RFX4: variants seen among roughly 807,000 people sequenced by gnomAD.
RFX4 encodes regulatory factor X4.
In RFX4, 10 loss-of-function variants were observed where a neutral mutation model predicts 95.0. The observed-to-expected ratio is 0.11, with a 90% confidence interval of 0.06 to 0.18. The LOEUF (loss-of-function observed/expected upper bound fraction) is 0.18. RFX4 is among the 10% of genes least tolerant of loss of function. RFX4 has a pLI of 1.00. For missense variants in RFX4, 640 were observed against 922.0 expected (o/e 0.69, Z 3.96); for synonymous variants, 321 against 340.7 (o/e 0.94, Z 0.64).
chr12:106,629,958 G>A (rs1007960148), intron 2 of RFX4, among the ~76,000 whole-genome samples: 10 of 152,312 alleles, frequency 6.6e-5, no homozygotes, highest in African/African-American at 2.2e-4. Context: ...TTGTGCGGTT[G>A]TGATTTGGAT....
rs531114897 is a variant in RFX4 at position 106,591,416 on chromosome 12, C to T, written c.43+8053C>T. Reference sequence around the variant, plus strand: ...CTGAGTAGCTGAGATTACAGGTGCCCGCCACCACGCTGGCTAATTTTTTGT... The same window carrying T: ...CTGAGTAGCTGAGATTACAGGTGCCTGCCACCACGCTGGCTAATTTTTTGT... On this transcript the variant is annotated intron_variant, in intron 1 of 17. Coordinates refer to ENST00000392842, the MANE Select transcript of RFX4 (RefSeq NM_213594.3). Among the ~76,000 whole-genome samples, 34 of 151,780 alleles carry T rather than the reference C, an allele frequency of 2.2e-4. 1 individual carries two copies. In the East Asian group the frequency reaches 5.6e-3, roughly 25 times the overall value.
At chr12:106,601,800 G>A (rs189347704) in intron 1 of RFX4, among the ~76,000 whole-genome samples, 182 of 152,324 alleles carry the variant, frequency 1.2e-3, no homozygotes, top group Non-Finnish European at 1.9e-3. Flanking sequence ...ACAGGTCGGC[G>A]AACTCTTCAC....
At chr12:106,634,421 G>A (rs140756146) in intron 2 of RFX4, among the ~76,000 whole-genome samples, 130 of 152,198 alleles carry the variant, frequency 8.5e-4, no homozygotes, top group South Asian at 2.5e-3. Flanking sequence ...ACCTTTCCCC[G>A]CAGATGGCTG....
chr12:106,654,180 T>G, intron 3 of RFX4, 48 bp from the exon 4 acceptor site: 1 of 1,612,832 alleles, frequency 6.2e-7, no homozygotes, highest in Non-Finnish European at 8.5e-7. Context: ...CCGTTCTTGC[T>G]TGGGGAAGGT....
chr12:106,712,199 T>C (rs2042204660), intron 10 of RFX4, among the ~76,000 whole-genome samples: 1 of 152,250 alleles, frequency 6.6e-6, no homozygotes, highest in Non-Finnish European at 1.5e-5. Flanking sequence ...GGGTTATTGT[T>C]GTTTGGTTTG....
At chr12:106,696,006 T>C (rs1321960444) in intron 7 of RFX4, among the ~76,000 whole-genome samples, 3 of 152,016 alleles carry the variant, frequency 2.0e-5, no homozygotes, top group Admixed American at 2.0e-4. Context: ...CGCTGAGGGG[T>C]GAAAGTGCTT....
At chr12:106,744,906 T>C (rs939462345) in intron 15 of RFX4, among the ~76,000 whole-genome samples, 2 of 152,202 alleles carry the variant, frequency 1.3e-5, no homozygotes, top group Non-Finnish European at 2.9e-5. Context: ...TGAAGTCCAT[T>C]GTAAGGGTGT....
chr12:106,612,837 C>CA (rs779953907), intron 2 of RFX4, among the ~76,000 whole-genome samples: 1,337 of 113,484 alleles, frequency 0.012, 20 homozygotes, highest in African/African-American at 0.032. Context: ...GACTACGTCT[C>CA]AAAAAAAAAA....
rs2042448161 is a variant in RFX4 at position 106,724,188 on chromosome 12, TG to T, written c.1351+3313del. Among the ~76,000 whole-genome samples the T allele has an allele frequency of 9.2e-5, 14 of 152,294 alleles. No individual in the cohort carries two copies. The South Asian group carries it at 2.9e-3, about 32-fold the overall frequency. On this transcript the variant is annotated intron_variant, in intron 13 of 17. Transcript: ENST00000392842. Reference sequence around the variant, plus strand: ...GAATGAAGCAAAGACAAGATAATGATGACTATTATAAGAAATATTTTGGAAG... The same window carrying T: ...GAATGAAGCAAAGACAAGATAATGATACTATTATAAGAAATATTTTGGAAG...
At chr12:106,660,252 C>T (rs1362149072) in intron 4 of RFX4, among the ~76,000 whole-genome samples, 1 of 151,848 alleles carries the variant, frequency 6.6e-6, no homozygotes, top group African/African-American at 2.4e-5. Context: ...ATGGCAAATG[C>T]AATTCCTGAG....
intron 4 of RFX4, among the ~76,000 whole-genome samples, chr12:106,679,501 G>T (rs1368615281): frequency 6.6e-6 from 1 of 151,708 alleles, no homozygotes; most frequent in Non-Finnish European, 1.5e-5. Flanking sequence ...CTTTACTGTT[G>T]TGTCCATTTG....
Position 106,720,619 on chromosome 12 carries a change from T to G in RFX4, c.1234-140T>G. The G allele has an allele frequency of 2.7e-6, 2 of 739,738 alleles. No individual in the cohort carries two copies. Among genetic ancestry groups the G allele is most frequent in the Non-Finnish European group, 4.7e-6 (2 of 425,200 alleles). 45.8% of individuals were successfully genotyped at this position (739,738 alleles called of 1,614,324 possible). ...GGCTGGTCTCAAACTCCTAGGCTCA[T>G]GCGATCATCCGCCCACCTTGGCCTC... On this transcript the variant is annotated intron_variant, in intron 12 of 17. Coordinates refer to ENST00000392842, the MANE Select transcript of RFX4 (RefSeq NM_213594.3). The surrounding 1 kb of genome is among the most constrained non-coding windows in gnomAD (Gnocchi z 4.2).
At chr12:106,597,878 A>T (rs184148425) in intron 1 of RFX4, among the ~76,000 whole-genome samples, 13 of 152,236 alleles carry the variant, frequency 8.5e-5, no homozygotes, top group Non-Finnish European at 7.4e-5. Context: ...GGTGGTTGGG[A>T]TGGGGGTGCA....
chr12:106,753,588 G>A (rs2043052065), intron 17 of RFX4, among the ~76,000 whole-genome samples: 3 of 152,122 alleles, frequency 2.0e-5, no homozygotes, highest in South Asian at 2.1e-4. Flanking sequence ...TCCTGAACAC[G>A]TGTTGTATGC....
intron 3 of RFX4, chr12:106,645,821 T>C: frequency 2.1e-6 from 2 of 966,398 alleles, no homozygotes; most frequent in African/African-American, 1.7e-5. Flanking sequence ...TTAGGTAACA[T>C]GGTTCTAAAA....
intron 1 of RFX4, among the ~76,000 whole-genome samples, chr12:106,584,302 G>A (rs1181749813): frequency 1.3e-5 from 2 of 152,104 alleles, no homozygotes; most frequent in African/African-American, 4.8e-5. Flanking sequence ...GCAGGTGGAA[G>A]TTCTCTTACA....
At chr12:106,664,442 C>CT (rs2041134475) in intron 4 of RFX4, among the ~76,000 whole-genome samples, 1 of 151,710 alleles carries the variant, frequency 6.6e-6, no homozygotes, top group Admixed American at 6.6e-5. Flanking sequence ...GGTCTGCTCT[C>CT]TTTTTTCTTT....
chr12:106,632,286 T>G (rs1592873285), intron 2 of RFX4, among the ~76,000 whole-genome samples: 1 of 140,530 alleles, frequency 7.1e-6, no homozygotes, highest in Non-Finnish European at 1.5e-5. Flanking sequence ...TTGGCAGGAG[T>G]TTTTTTTTTA....
chr12:106,608,862 G>A lies in RFX4; in HGVS notation c.109G>A (p.Gly37Arg). ...ACGTTATTCCAGCCACACATCTCTGGGGAATGTTTCTAATGATGAAAGTAA... is the reference window on the plus strand; with the variant it reads ...ACGTTATTCCAGCCACACATCTCTGAGGAATGTTTCTAATGATGAAAGTAA... ...NKRYSSHTSL[G>R]NVSNDENEEK... The change falls in exon 2 of 18, where the codon GGG becomes AGG. Residue 37 changes from glycine (G) to arginine (R), a missense_variant. Gly to Arg is a moderately radical substitution (Grantham distance 125). Around this residue, in one of 7 missense-constraint regions of RFX4, gnomAD observed 63 missense variants for 68.8 expected, o/e 0.92. Transcript: ENST00000392842. The A allele has an allele frequency of 6.2e-7, 1 of 1,612,376 alleles. No homozygotes were observed. Among genetic ancestry groups the A allele is most frequent in the Non-Finnish European group, 8.5e-7 (1 of 1,179,490 alleles).
Sources: allele counts gnomAD v4.1 joint callset (sites outside exome capture counted in the v4.1 genomes callset), GRCh38; gene constraint gnomAD v4.1.1; regional missense constraint gnomAD v4.1.1; non-coding constraint Gnocchi (gnomAD v3.1); transcripts MANE v1.5; gene names NCBI Gene and HGNC (gene_info 2026-07-23, HGNC 2026-07-21).